Variants in ZNF331 observed in about 807,000 individuals in gnomAD.
ZNF331 encodes C2H2-like zinc finger protein rearranged in thyroid adenomas.
In ZNF331, 2 loss-of-function variants were observed where a neutral mutation model predicts 7.0. The ratio of observed to expected loss-of-function variants is 0.29; its 90% CI spans 0.12 to 0.90. The LOEUF (loss-of-function observed/expected upper bound fraction) is 0.90, where lower values mean the gene tolerates loss of function less well. Ranked by LOEUF, ZNF331 falls within the 40% of genes least tolerant of loss-of-function variation. ZNF331 has a pLI of 0.58. For missense variants in ZNF331, 432 were observed against 587.7 expected (o/e 0.74, Z 2.74); for synonymous variants, 196 against 205.4 (o/e 0.95, Z 0.39).
chr19:53,556,164 A>G (rs1168263528), intron 3 of ZNF331, among the ~76,000 whole-genome samples: 3 of 148,698 alleles, frequency 2.0e-5, no homozygotes, highest in African/African-American at 5.0e-5. Flanking sequence ...AATGGCGGGA[A>G]CCCGGGAGGC....
chr19:53,551,072 C>A (rs1198209780), intron 2 of ZNF331, among the ~76,000 whole-genome samples: 1 of 151,840 alleles, frequency 6.6e-6, no homozygotes, highest in Non-Finnish European at 1.5e-5. Context: ...ACTTCGTGAT[C>A]CACCCACCTT....
At chr19:53,533,116 T>TTCTTTTTTTTTTTTTTTTTTTTTTTTGAG (rs1555752196) in intron 2 of ZNF331, among the ~76,000 whole-genome samples, 1 of 151,592 alleles carries the variant, frequency 6.6e-6, no homozygotes, top group Non-Finnish European at 1.5e-5. Context: ...TCTCCTTTCT[T>TTCTTTTTTTTTTTTTTTTTTTTTTTTGAG]AATGTAGGTG....
Position 53,573,697 on chromosome 19 carries a change from GGGCTAA to G in ZNF331, c.136+1968_136+1973del, listed in dbSNP as rs1287900195. ...TTGTCCAAGCTGATCTTGAACTCCT[GGGCTAA>G]AGGAATCCACCCACCTCAGCCTTCC... On this transcript the variant is annotated intron_variant, in intron 5 of 5. Transcript: ENST00000449416. This position sits in a 1 kb window ranked among gnomAD's most constrained non-coding sequence, Gnocchi z 4.2. Among the ~76,000 whole-genome samples the G allele has an allele frequency of 3.3e-5, 5 of 152,012 alleles. No homozygotes were observed. The highest frequency in any genetic ancestry group is 7.4e-5 in the Non-Finnish European group (5 of 68,002).
At chr19:53,509,302 A>G in the ZNF331 span, among the ~76,000 whole-genome samples, 1 of 152,162 alleles carries the variant, frequency 6.6e-6, no homozygotes, top group Admixed American at 6.5e-5. Context: ...TATTTGGATA[A>G]ACCAGAGAAA....
At chr19:53,506,439 T>G in the ZNF331 span, among the ~76,000 whole-genome samples, 1 of 70,348 alleles carries the variant, frequency 1.4e-5, no homozygotes, top group South Asian at 5.5e-4. Flanking sequence ...TCTCTCTCTC[T>G]CTCTGTCTCT....
intron 2 of ZNF331, among the ~76,000 whole-genome samples, chr19:53,530,772 CA>C (rs1355820706): frequency 1.2e-4 from 19 of 152,238 alleles, no homozygotes; most frequent in Admixed American, 6.5e-4. Flanking sequence ...TTGGCATCCG[CA>C]GGGGTAACCG....
the ZNF331 span, among the ~76,000 whole-genome samples, chr19:53,507,505 A>C: frequency 0.13 from 19,299 of 152,124 alleles, 1,323 homozygotes; most frequent in African/African-American, 0.18. Context: ...CATCGGTGAA[A>C]ATTTTATGCC....
chr19:53,548,509 G>A (rs775107417), intron 2 of ZNF331, among the ~76,000 whole-genome samples: 1 of 151,936 alleles, frequency 6.6e-6, no homozygotes, highest in Non-Finnish European at 1.5e-5. Context: ...CTCCCATCTC[G>A]GCCTTCCAAA....
rs2084062394 is a variant in ZNF331, at chr19:53,573,563, G to T, written c.136+1833G>T. On this transcript the variant is annotated intron_variant, in intron 5 of 5. Transcript: ENST00000449416. This position sits in a 1 kb window ranked among gnomAD's most constrained non-coding sequence, Gnocchi z 4.2. ...GCTCACAGCAGCCTCAACCTCCTGG[G>T]CTCAAGCAATCTTCCTGCCTCATCT... Among the ~76,000 whole-genome samples, 1 of 152,028 alleles carries T rather than the reference G, an allele frequency of 6.6e-6. No homozygotes were observed. The highest frequency in any genetic ancestry group is 2.0e-4 in the East Asian group (1 of 5,120).
upstream of ZNF331, among the ~76,000 whole-genome samples, chr19:53,519,318 T>C (rs2086982932): frequency 6.6e-6 from 1 of 152,162 alleles, no homozygotes; most frequent in Non-Finnish European, 1.5e-5. Flanking sequence ...TTTGTCTAAA[T>C]TGCACCATTT....
chr19:53,570,624 G>A (rs111546967), intron 4 of ZNF331, among the ~76,000 whole-genome samples: 4,012 of 149,894 alleles, frequency 0.027, 184 homozygotes, highest in African/African-American at 0.093. Context: ...CCTCTGCCTC[G>A]CGGGTTCAAG....
At chr19:53,528,946 G>A (rs1156296195) in intron 2 of ZNF331, among the ~76,000 whole-genome samples, 4 of 139,040 alleles carry the variant, frequency 2.9e-5, no homozygotes, top group Non-Finnish European at 6.1e-5. Flanking sequence ...CCCCACGCCT[G>A]GATGATTTTT....
At chr19:53,556,886 A>G (rs1329253606) in intron 3 of ZNF331, among the ~76,000 whole-genome samples, 2 of 145,458 alleles carry the variant, frequency 1.4e-5, no homozygotes, top group Non-Finnish European at 3.0e-5. Flanking sequence ...GCTCACTTCA[A>G]CCTCTGCTTT....
upstream of ZNF331, among the ~76,000 whole-genome samples, chr19:53,536,929 A>C (rs1352173145): frequency 6.6e-6 from 1 of 152,052 alleles, no homozygotes. Flanking sequence ...ACAAACAAAA[A>C]ATTATTCTCT....
chr19:53,512,393 T>A, the ZNF331 span: 2 of 152,204 alleles, frequency 1.3e-5, no homozygotes, highest in Non-Finnish European at 2.9e-5. Flanking sequence ...CTGAGCTACG[T>A]CTTCACAAAT....
At chr19:53,514,975 A>G (rs1302277272), upstream of ZNF331, among the ~76,000 whole-genome samples, 1 of 152,186 alleles carries the variant, frequency 6.6e-6, no homozygotes, top group Non-Finnish European at 1.5e-5. Flanking sequence ...CAAGTTAATT[A>G]AAGAGAATGT....
chr19:53,508,950 G>C, the ZNF331 span, among the ~76,000 whole-genome samples: 1 of 152,126 alleles, frequency 6.6e-6, no homozygotes, highest in African/African-American at 2.4e-5. Context: ...GAAACCTGGA[G>C]AGCAGTCAAC....
chr19:53,505,104 A>G, the ZNF331 span, among the ~76,000 whole-genome samples: 2 of 152,182 alleles, frequency 1.3e-5, no homozygotes, highest in Non-Finnish European at 2.9e-5. Flanking sequence ...ACAGGCTGTC[A>G]TAAACTGTAA....
At chr19:53,524,921 C>T (rs1306510829) in intron 2 of ZNF331, among the ~76,000 whole-genome samples, 4 of 152,112 alleles carry the variant, frequency 2.6e-5, no homozygotes, top group Non-Finnish European at 4.4e-5. Flanking sequence ...GTCTTTAATC[C>T]ATCTTGAATT....
Sources: allele counts gnomAD v4.1 joint callset (sites outside exome capture counted in the v4.1 genomes callset), GRCh38; gene constraint gnomAD v4.1.1; non-coding constraint Gnocchi (gnomAD v3.1); transcripts MANE v1.5; gene names NCBI Gene and HGNC (gene_info 2026-07-23, HGNC 2026-07-21).